LAMA3: variants seen among roughly 807,000 people sequenced by gnomAD.
The protein encoded by LAMA3 is laminin subunit alpha 3, also known as laminin subunit alpha-3.
Under a neutral mutation model 402.0 loss-of-function variants are expected in LAMA3, and 281 were observed. That is an observed-to-expected ratio of 0.70 (90% confidence interval 0.63 to 0.77). The LOEUF (loss-of-function observed/expected upper bound fraction) is 0.77, where lower values mean the gene tolerates loss of function less well. Ranked by LOEUF, LAMA3 falls within the 30% of genes least tolerant of loss-of-function variation. The pLI is 0.00. For synonymous variants in LAMA3, 1,431 were observed against 1,558.4 expected (o/e 0.92, Z 1.93); for missense variants, 3,840 against 4,215.5 (o/e 0.91, Z 2.47).
chr18:23,941,092 C>T (rs879293007), intron 68 of LAMA3, among the ~76,000 whole-genome samples: 1 of 152,038 alleles, frequency 6.6e-6, no homozygotes, highest in Non-Finnish European at 1.5e-5. Flanking sequence ...CCCGCCACCA[C>T]GCCCGGCTAA....
intron 11 of LAMA3, among the ~76,000 whole-genome samples, chr18:23,780,912 C>T (rs1470910095): frequency 6.6e-6 from 1 of 152,196 alleles, no homozygotes; most frequent in Non-Finnish European, 1.5e-5. Context: ...TGAAATATCA[C>T]TCTTGACACC....
intron 29 of LAMA3, among the ~76,000 whole-genome samples, chr18:23,843,043 G>C (rs1441631151): frequency 6.6e-6 from 1 of 151,898 alleles, no homozygotes; most frequent in Admixed American, 6.6e-5. Context: ...TCTTCTTTTG[G>C]CCCCTGCAGC....
At chr18:23,810,608 C>T in intron 13 of LAMA3, 105 bp downstream of exon 13, 1 of 1,238,428 alleles carries the variant, frequency 8.1e-7, no homozygotes, top group East Asian at 2.4e-5. Flanking sequence ...CCACTGGCCA[C>T]CCCCACATCC....
intron 24 of LAMA3, among the ~76,000 whole-genome samples, chr18:23,835,370 C>A (rs924929288): frequency 6.6e-6 from 1 of 152,212 alleles, no homozygotes; most frequent in Non-Finnish European, 1.5e-5. Flanking sequence ...CTGAGAATAT[C>A]TATGCCAAGG....
At chr18:23,872,865 C>A in intron 38 of LAMA3, 1 of 658,680 alleles carries the variant, frequency 1.5e-6, no homozygotes, top group Admixed American at 2.5e-5. Context: ...CGCTTACCTG[C>A]GGGACTGTTA....
chr18:23,818,836 C>G (rs2063227666), intron 18 of LAMA3, among the ~76,000 whole-genome samples: 1 of 151,976 alleles, frequency 6.6e-6, no homozygotes, highest in Non-Finnish European at 1.5e-5. Context: ...TTATCATTAG[C>G]CTTCACATTT....
intron 40 of LAMA3, 116 bp downstream of exon 40, chr18:23,882,161 A>G: frequency 1.4e-6 from 1 of 726,822 alleles, no homozygotes; most frequent in Admixed American, 2.0e-5. Flanking sequence ...AGGGTCTGGG[A>G]TTTCTTTTTG....
chr18:23,773,451 G>A (rs566449226), intron 8 of LAMA3, 46 bp from the exon 9 acceptor site: 16 of 1,182,734 alleles, frequency 1.4e-5, no homozygotes, highest in South Asian at 6.5e-5. Flanking sequence ...AAGGAGAATC[G>A]TCTTCCCCAG....
chr18:23,884,734 C>G, intron 40 of LAMA3, 39 bp from the exon 41 acceptor site: 3 of 1,514,716 alleles, frequency 2.0e-6, no homozygotes, highest in Middle Eastern at 1.7e-4. Context: ...TCCTATCGAT[C>G]TGTGTTTTTG....
intron 23 of LAMA3, among the ~76,000 whole-genome samples, chr18:23,831,101 T>G (rs2063482540): frequency 6.6e-6 from 1 of 152,184 alleles, no homozygotes; most frequent in African/African-American, 2.4e-5. Flanking sequence ...TCCATCTCCC[T>G]TGTCCAAAAT....
intron 72 of LAMA3, among the ~76,000 whole-genome samples, chr18:23,950,676 A>G (rs1419558214): frequency 6.6e-6 from 1 of 152,214 alleles, no homozygotes; most frequent in Admixed American, 6.5e-5. Context: ...TGAGGCCTCG[A>G]GTGAAAGATT....
intron 8 of LAMA3, among the ~76,000 whole-genome samples, chr18:23,772,019 C>T (rs748360900): frequency 1.3e-5 from 2 of 151,404 alleles, no homozygotes; most frequent in Non-Finnish European, 2.9e-5. Context: ...ACCTCTTCCA[C>T]AGAGATGTGA....
intron 12 of LAMA3, among the ~76,000 whole-genome samples, chr18:23,809,356 G>A (rs1045154849): frequency 5.9e-5 from 9 of 152,164 alleles, no homozygotes; most frequent in Admixed American, 5.9e-4. Context: ...CTTTATTAGA[G>A]ACTAATCCAT....
At chr18:23,736,777 G>C (rs1211658665) in intron 2 of LAMA3, among the ~76,000 whole-genome samples, 3 of 152,112 alleles carry the variant, frequency 2.0e-5, no homozygotes, top group African/African-American at 7.2e-5. Flanking sequence ...GGAAGACAAA[G>C]GGATGAGAGA....
chr18:23,689,574 C>T lies in LAMA3; in HGVS notation c.-110C>T, dbSNP rs1317817044. 1 of 1,083,566 alleles carries T rather than the reference C, an allele frequency of 9.2e-7. No homozygotes were observed. Among genetic ancestry groups the T allele is most frequent in the African/African-American group, 1.6e-5 (1 of 61,002 alleles). The allele number at this position is 1,083,566 out of a possible 1,614,324, so 67.1% of individuals were successfully genotyped here. The stretch of plus-strand genomic sequence containing the variant: ...GAGCGGCCCCGGCGCCGCCCATATC[C>T]CCGGCTGCGCTAGTCCTGGCGCTGC... On this transcript the variant is annotated 5_prime_UTR_variant, in exon 1 of 75. Coordinates refer to ENST00000313654, the MANE Select transcript of LAMA3 (RefSeq NM_198129.4).
At chr18:23,713,782 T>C (rs1598629329) in intron 1 of LAMA3, 138 bp from the exon 2 acceptor site, 1 of 741,072 alleles carries the variant, frequency 1.3e-6, no homozygotes, top group African/African-American at 1.8e-5. Flanking sequence ...CCAGTGAATT[T>C]TAACAGCTGA....
chr18:23,932,502 C>A (rs750204265), intron 66 of LAMA3: 22 of 513,810 alleles, frequency 4.3e-5, no homozygotes, highest in Non-Finnish European at 7.0e-5. Flanking sequence ...GGAGGAGCAG[C>A]GTTAGCATGT....
intron 18 of LAMA3, 102 bp from the exon 19 acceptor site, chr18:23,819,739 C>T: frequency 1.0e-6 from 1 of 992,732 alleles, no homozygotes. Flanking sequence ...TGTACTCTGT[C>T]AATGTGGTGG....
rs2060537718 is a variant in LAMA3 at position 23,689,559 on chromosome 18, G to A, written c.-125G>A. The A allele has an allele frequency of 2.1e-6, 2 of 966,370 alleles. No individual in the cohort carries two copies. Among genetic ancestry groups the A allele is most frequent in the Non-Finnish European group, 2.7e-6 (2 of 751,036 alleles). The allele number at this position is 966,370 out of a possible 1,614,324, so 59.9% of individuals were successfully genotyped here. On this transcript the variant is annotated 5_prime_UTR_variant, in exon 1 of 75. Coordinates refer to ENST00000313654, the MANE Select transcript of LAMA3 (RefSeq NM_198129.4). ...CGCGTGGAGCAAGGGGAGCGGCCCC[G>A]GCGCCGCCCATATCCCCGGCTGCGC... is the stretch of plus-strand genomic sequence containing the variant.
Sources: gnomAD v4.1 joint callset for allele counts (sites outside exome capture counted in the v4.1 genomes callset) on GRCh38, gnomAD v4.1.1 for gene constraint, MANE v1.5 for transcripts, NCBI Gene and HGNC (gene_info 2026-07-23, HGNC 2026-07-21) for gene names.